The following N4BP2 variants were observed in gnomAD, a reference collection of about 807,000 sequenced individuals.
N4BP2 encodes the protein NEDD4 binding protein 2, also known as NEDD4-binding protein 2.
A neutral mutation model predicts 152.8 loss-of-function variants in N4BP2; 91 were observed. The ratio of observed to expected loss-of-function variants is 0.60; its 90% CI spans 0.50 to 0.71. N4BP2 has a LOEUF of 0.71. Among genes scored for constraint, N4BP2 ranks in the 30% least tolerant of loss-of-function variants. N4BP2 has a pLI of 0.00. For missense variants in N4BP2, 1,923 were observed against 2,059.1 expected, an observed-to-expected ratio of 0.93 and a Z score of 1.28; for synonymous variants, 646 against 705.3, an observed-to-expected ratio of 0.92 and a Z score of 1.33.
intron 2 of N4BP2, among the ~76,000 whole-genome samples, chr4:40,087,661 A>G (rs1397040990): frequency 6.6e-6 from 1 of 150,706 alleles, no homozygotes; most frequent in Non-Finnish European, 1.5e-5. Context: ...ACCTTCCCCC[A>G]CTCCACGTGC....
At chr4:40,057,689 C>G (rs1733318680) in intron 1 of N4BP2, among the ~76,000 whole-genome samples, 1 of 152,126 alleles carries the variant, frequency 6.6e-6, no homozygotes, top group Admixed American at 6.5e-5. Context: ...CTCTCTAAGC[C>G]GTCCGTTTGG....
downstream of N4BP2, among the ~76,000 whole-genome samples, chr4:40,162,310 TG>T (rs892407483): frequency 6.6e-6 from 1 of 152,126 alleles, no homozygotes; most frequent in African/African-American, 2.4e-5. Flanking sequence ...AAAACCAGCC[TG>T]GCCAACATAG....
At chr4:40,082,240 C>T (rs746907415) in intron 2 of N4BP2, among the ~76,000 whole-genome samples, 1 of 144,980 alleles carries the variant, frequency 6.9e-6, no homozygotes, top group African/African-American at 2.6e-5. Context: ...GGCGCCACTG[C>T]ACTCCAGCCT....
chr4:40,133,830 C>T (rs2110017433), intron 13 of N4BP2, among the ~76,000 whole-genome samples: 1 of 151,006 alleles, frequency 6.6e-6, no homozygotes, highest in South Asian at 2.1e-4. Context: ...TTGTGTGAGA[C>T]AGGATCTTGC....
chr4:40,079,412 C>T (rs1713126309), intron 2 of N4BP2, among the ~76,000 whole-genome samples: 1 of 150,300 alleles, frequency 6.7e-6, no homozygotes, highest in African/African-American at 2.4e-5. Flanking sequence ...CCACTGTGCC[C>T]ACCCTGGATG....
chr4:40,094,894 A>G (rs974265852), intron 2 of N4BP2, among the ~76,000 whole-genome samples: 2 of 150,204 alleles, frequency 1.3e-5, no homozygotes, highest in Non-Finnish European at 3.0e-5. Flanking sequence ...CCTGGGTTCA[A>G]GCGATTCTCC....
intron 5 of N4BP2, among the ~76,000 whole-genome samples, chr4:40,108,415 C>T (rs897520153): frequency 1.3e-5 from 2 of 151,570 alleles, no homozygotes; most frequent in African/African-American, 4.8e-5. Context: ...CAGGTTCAAG[C>T]GATTCTCCTG....
chr4:40,167,306 A>G, the N4BP2 span: 2 of 152,224 alleles, frequency 1.3e-5, no homozygotes, highest in African/African-American at 4.8e-5. Flanking sequence ...AGCTGAATAA[A>G]GCCTTATATT....
Position 40,120,990 on chromosome 4 carries a change from G to C in N4BP2, c.2879G>C (p.Ser960Thr). 6.2e-7 allele frequency: 1 copy of C among 1,614,158 alleles called. No individual in the cohort carries two copies. Among genetic ancestry groups the C allele is most frequent in the Non-Finnish European group, 8.5e-7 (1 of 1,180,028 alleles). ...EMLLSEMTCE[S>T]QTCLSKKSHG... ...CTGCTCAGTGAAATGACCTGTGAGA[G>C]TCAGACTTGTCTAAGTAAAAAGAGT... The change falls in exon 9 of 18, where the codon AGT becomes ACT. Residue 960 changes from serine to threonine, a missense_variant. Coordinates refer to ENST00000261435, the MANE Select transcript of N4BP2 (RefSeq NM_018177.6).
intron 5 of N4BP2, 51 bp from the exon 6 acceptor site, chr4:40,112,033 A>G: frequency 1.0e-6 from 1 of 958,582 alleles, no homozygotes; most frequent in Non-Finnish European, 1.6e-6. Flanking sequence ...TGAAAATCAT[A>G]ATACTTAGTA....
At chr4:40,058,327 A>C (rs1214957138) in intron 1 of N4BP2, among the ~76,000 whole-genome samples, 6 of 152,164 alleles carry the variant, frequency 3.9e-5, no homozygotes, top group Admixed American at 3.9e-4. Context: ...ACGTGGTTCC[A>C]TCTGCCTTTC....
At chr4:40,162,462 AAAG>A (rs373381293), downstream of N4BP2, among the ~76,000 whole-genome samples, 42 of 152,282 alleles carry the variant, frequency 2.8e-4, no homozygotes, top group South Asian at 8.3e-4. Context: ...CTGTCTCAAA[AAAG>A]AAGAAGAAGT....
chr4:40,097,564 T>G lies in N4BP2; in HGVS notation c.224T>G (p.Phe75Cys). 1 of 1,607,176 alleles carries G rather than the reference T, an allele frequency of 6.2e-7. No individual in the cohort carries two copies. Among genetic ancestry groups the G allele is most frequent in the African/African-American group, 1.3e-5 (1 of 74,938 alleles). The change falls in exon 3 of 18, where the codon TTC (phenylalanine) becomes TGC (cysteine). Residue 75 changes from phenylalanine to cysteine, a missense_variant. By Grantham distance (205) the Phe-to-Cys change is radical. Coordinates refer to ENST00000261435, the MANE Select transcript of N4BP2 (RefSeq NM_018177.6). Reference protein sequence around the residue: ...VVYLMLSECDFKVENAMDCLL... With the variant: ...VVYLMLSECDCKVENAMDCLL... ...TATTTGATGCTTTCTGAATGTGATT[T>G]CAAAGGTGAGAAAAAGTTTAGTTTG...
At chr4:40,103,247 A>G (rs1361816112) in intron 4 of N4BP2, 29 bp downstream of exon 4, 32 of 1,550,152 alleles carry the variant, frequency 2.1e-5, no homozygotes, top group Non-Finnish European at 2.6e-5. Flanking sequence ...TTTTTAAAAA[A>G]TAGTATAATG....
At chr4:40,076,375 C>G (rs1457810390) in intron 2 of N4BP2, among the ~76,000 whole-genome samples, 1 of 151,998 alleles carries the variant, frequency 6.6e-6, no homozygotes, top group African/African-American at 2.4e-5. Flanking sequence ...ATTCGGGAGG[C>G]TGAGGTAGGA....
At chr4:40,184,846 C>T in the N4BP2 span, among the ~76,000 whole-genome samples, 1 of 152,050 alleles carries the variant, frequency 6.6e-6, no homozygotes. Flanking sequence ...ATCCCAGCTG[C>T]TCGGGAGGCT....
intron 14 of N4BP2, chr4:40,142,338 G>T: frequency 3.1e-6 from 1 of 317,970 alleles, no homozygotes; most frequent in East Asian, 7.7e-5. Flanking sequence ...TTGGGCTGGG[G>T]GTGACTGGGT....
chr4:40,146,979 T>C (rs542909506), intron 16 of N4BP2, among the ~76,000 whole-genome samples: 93 of 148,956 alleles, frequency 6.2e-4, no homozygotes, highest in African/African-American at 2.1e-3. Context: ...GGCAGGGTCA[T>C]AGGACAATAG....
rs758427626 is a variant in N4BP2 at position 40,121,057 on chromosome 4, T to C, written c.2946T>C (p.Ser982=). The change falls in exon 9 of 18, where the codon AGT becomes AGC. Residue 982 remains serine (S), a synonymous_variant. Transcript: ENST00000261435. The part of the protein sequence containing the change: ...HTSLPLTFTN[S]APTVSGVVEP... ...CGTTGCCTCTTACTTTTACCAATAG[T>C]GCACCAACTGTTTCTGGAGTAGTAG... 6.2e-7 allele frequency: 1 copy of C among 1,614,074 alleles called. No homozygotes were observed. Among genetic ancestry groups the C allele is most frequent in the East Asian group, 2.2e-5 (1 of 44,882 alleles).
Sources: gnomAD v4.1 joint callset for allele counts (sites outside exome capture counted in the v4.1 genomes callset) on GRCh38, gnomAD v4.1.1 for gene constraint, MANE v1.5 for transcripts, NCBI Gene and HGNC (gene_info 2026-07-23, HGNC 2026-07-21) for gene names.